The following DPYSL5 variants were observed in gnomAD, a reference collection of about 807,000 sequenced individuals.
The protein encoded by DPYSL5 is dihydropyrimidinase like 5, also known as dihydropyrimidinase-related protein 5.
In DPYSL5, 9 loss-of-function variants were observed where a neutral mutation model predicts 58.4. The observed-to-expected ratio is 0.15, with a 90% CI of 0.09 to 0.27. DPYSL5 has a LOEUF of 0.27. Ranked by LOEUF, DPYSL5 falls within the 10% of genes least tolerant of loss-of-function variation. DPYSL5 has a pLI of 1.00. For synonymous variants in DPYSL5, 293 were observed against 301.9 expected, an observed-to-expected ratio of 0.97 and a Z score of 0.31; for missense variants, 499 against 770.6, an observed-to-expected ratio of 0.65 and a Z score of 4.17.
upstream of DPYSL5, chr2:26,848,008 C>T (rs1485788084): frequency 1.1e-4 from 17 of 152,188 alleles, no homozygotes; most frequent in African/African-American, 3.6e-4. Flanking sequence ...TCCCCTTAAC[C>T]TGCTAGCTGA....
chr2:26,940,287 G>C (rs1665282805), intron 9 of DPYSL5, 115 bp downstream of exon 9: 3 of 1,322,320 alleles, frequency 2.3e-6, no homozygotes, highest in Non-Finnish European at 3.0e-6. Context: ...AATGTTCTTA[G>C]AAGGGCTGGT....
At chr2:26,874,802 G>T (rs985585199) in intron 1 of DPYSL5, among the ~76,000 whole-genome samples, 7 of 152,054 alleles carry the variant, frequency 4.6e-5, no homozygotes, top group Admixed American at 4.6e-4. Context: ...TTCCAAAATT[G>T]GTTTGCCTGT....
intron 1 of DPYSL5, among the ~76,000 whole-genome samples, chr2:26,857,227 GTGATTTCTGTGGCTTAAAA>G (rs1665901113): frequency 6.6e-6 from 1 of 152,008 alleles, no homozygotes; most frequent in Non-Finnish European, 1.5e-5. Context: ...TTTGAATTGT[GTGATTTCTGTGGCTTAAAA>G]AAAGTCTCAG....
chr2:26,880,858 A>G (rs1463569694), intron 1 of DPYSL5, among the ~76,000 whole-genome samples: 1 of 152,212 alleles, frequency 6.6e-6, no homozygotes, highest in Non-Finnish European at 1.5e-5. Flanking sequence ...CCAACATTGA[A>G]TGAGTCCCCT....
intron 2 of DPYSL5, among the ~76,000 whole-genome samples, chr2:26,907,263 C>G (rs994426205): frequency 3.3e-5 from 5 of 151,798 alleles, no homozygotes; most frequent in African/African-American, 1.2e-4. Flanking sequence ...TACAGGCGCC[C>G]GCCACCATGC....
intron 12 of DPYSL5, among the ~76,000 whole-genome samples, chr2:26,946,602 G>A (rs1429811435): frequency 6.6e-6 from 1 of 152,186 alleles, no homozygotes; most frequent in African/African-American, 2.4e-5. Context: ...GCTGGCCAAT[G>A]ACCTGCATGT....
At chr2:26,885,516 C>A (rs1262652063) in intron 1 of DPYSL5, among the ~76,000 whole-genome samples, 1 of 152,164 alleles carries the variant, frequency 6.6e-6, no homozygotes, top group African/African-American at 2.4e-5. Context: ...ATGGCACCTG[C>A]CATCTATAGG....
intron 1 of DPYSL5, among the ~76,000 whole-genome samples, chr2:26,853,695 C>T (rs1412088981): frequency 4.6e-5 from 7 of 152,170 alleles, no homozygotes; most frequent in Admixed American, 3.3e-4. Flanking sequence ...AGACCGGAAA[C>T]TAGGCAGGAG....
At position 26,925,976 on chromosome 2, in the gene DPYSL5, T is replaced by G. The variant is rs1664820858; in HGVS notation, c.420+931T>G. ...TGTAACTGCTGCTAATCAGAGTGTA[T>G]ATTCAGGGCAGCTTGAATCTGTGCT... On this transcript the variant is annotated intron_variant, in intron 3 of 12. Coordinates refer to ENST00000288699, the MANE Select transcript of DPYSL5 (RefSeq NM_020134.4). This position sits in a 1 kb window ranked among gnomAD's most constrained non-coding sequence, Gnocchi z 4.5. 6.6e-6 allele frequency among the ~76,000 whole-genome samples: 1 copy of G among 152,220 alleles called. No individual in the cohort carries two copies. The highest frequency in any genetic ancestry group is 1.5e-5 in the Non-Finnish European group (1 of 68,042).
chr2:26,853,642 A>G lies in DPYSL5; in HGVS notation c.-5+5388A>G, dbSNP rs982907546. On this transcript the variant is annotated intron_variant, in intron 1 of 12. Coordinates refer to ENST00000288699, the MANE Select transcript of DPYSL5 (RefSeq NM_020134.4). ...AAAACCAATAGGATTGGTTTATGCA[A>G]TTGGAGAGGCTGGCAAGTCCCATAT... is the stretch of plus-strand genomic sequence containing the variant. Among the ~76,000 whole-genome samples, 8 of 152,160 alleles carry G rather than the reference A, an allele frequency of 5.3e-5. 1 individual carries two copies. Among genetic ancestry groups the G allele is most frequent in the African/African-American group, 1.4e-4 (6 of 41,450 alleles).
At chr2:26,878,824 G>C (rs189548511) in intron 1 of DPYSL5, among the ~76,000 whole-genome samples, 1 of 152,116 alleles carries the variant, frequency 6.6e-6, no homozygotes, top group East Asian at 1.9e-4. Flanking sequence ...GCTAGCTTGC[G>C]CCACACAGCT....
intron 12 of DPYSL5, 96 bp from the exon 13 acceptor site, chr2:26,946,814 C>T (rs1665497657): frequency 2.3e-6 from 2 of 866,876 alleles, no homozygotes; most frequent in Non-Finnish European, 3.7e-6. Flanking sequence ...AGGATTCACT[C>T]AGGCCATGCA....
At chr2:26,903,467 G>A (rs983183442) in intron 2 of DPYSL5, among the ~76,000 whole-genome samples, 1 of 152,158 alleles carries the variant, frequency 6.6e-6, no homozygotes, top group Non-Finnish European at 1.5e-5. Context: ...AACCACTTGG[G>A]GAATTTTTGA....
chr2:26,891,209 T>C (rs1487726285), intron 1 of DPYSL5, among the ~76,000 whole-genome samples: 1 of 152,174 alleles, frequency 6.6e-6, no homozygotes, highest in Non-Finnish European at 1.5e-5. Context: ...AAGGATTAAA[T>C]CAGATGATGC....
Position 26,934,501 on chromosome 2 carries a change from TAA to T in DPYSL5, c.791-74_791-73del. On this transcript the variant is annotated intron_variant, in intron 7 of 12. Transcript: ENST00000288699. The surrounding 1 kb of genome is among the most constrained non-coding windows in gnomAD (Gnocchi z 4.3). The stretch of plus-strand genomic sequence containing the variant: ...TCTCTGACCTCAGCTCCTTCACCTG[TAA>T]AATGAGAGGCACACACCAGCGATCG... 1 of 1,537,098 alleles carries T rather than the reference TAA, an allele frequency of 6.5e-7. No individual in the cohort carries two copies. The highest frequency in any genetic ancestry group is 8.8e-7 in the Non-Finnish European group (1 of 1,138,702).
In DPYSL5 at chr2:26,925,412, C is replaced by A. The variant is rs557453385; in HGVS notation, c.420+367C>A. The stretch of plus-strand genomic sequence containing the variant: ...TGAGCAGGGCTCAGGTGCAGAGGGT[C>A]ATATCCCATATCCTATGTGTACTGA... On this transcript the variant is annotated intron_variant, in intron 3 of 12. Transcript: ENST00000288699. This position sits in a 1 kb window ranked among gnomAD's most constrained non-coding sequence, Gnocchi z 4.5. 6.6e-6 allele frequency among the ~76,000 whole-genome samples: 1 copy of A among 152,282 alleles called. No individual in the cohort carries two copies. Among genetic ancestry groups the A allele is most frequent in the South Asian group, 2.1e-4 (1 of 4,822 alleles).
chr2:26,943,969 C>T (rs1486493369), intron 11 of DPYSL5, among the ~76,000 whole-genome samples: 1 of 152,118 alleles, frequency 6.6e-6, no homozygotes, highest in Admixed American at 6.5e-5. Context: ...TGGGGAATAA[C>T]GTTGCGCTGT....
chr2:26,932,700 TTAG>T (rs1336224493), intron 6 of DPYSL5, among the ~76,000 whole-genome samples: 1 of 152,104 alleles, frequency 6.6e-6, no homozygotes, highest in Non-Finnish European at 1.5e-5. Context: ...GTTGCACAGC[TTAG>T]TAGAGAAAAA....
chr2:26,912,806 C>T (rs1664475269), intron 2 of DPYSL5, among the ~76,000 whole-genome samples: 1 of 152,242 alleles, frequency 6.6e-6, no homozygotes, highest in African/African-American at 2.4e-5. Context: ...GCACAATTCT[C>T]AGTTTTCGCC....
Sources: allele counts gnomAD v4.1 joint callset (sites outside exome capture counted in the v4.1 genomes callset), GRCh38; gene constraint gnomAD v4.1.1; non-coding constraint Gnocchi (gnomAD v3.1); transcripts MANE v1.5; gene names NCBI Gene and HGNC (gene_info 2026-07-23, HGNC 2026-07-21).